The following NRXN3 variants were observed in gnomAD, a reference collection of about 807,000 sequenced individuals.
NRXN3 encodes the protein neurexin III.
NRXN3 carries 32 observed loss-of-function variants against 137.6 expected under a neutral mutation model. That is an observed-to-expected ratio of 0.23 (90% CI 0.18 to 0.31). The LOEUF is 0.31. Ranked by LOEUF, NRXN3 falls within the 10% of genes least tolerant of loss-of-function variation. NRXN3 has a pLI of 1.00. For missense variants in NRXN3, 1,574 were observed against 2,062.5 expected (o/e 0.76, Z 4.59); for synonymous variants, 798 against 784.5 (o/e 1.02, Z -0.29).
chr14:79,138,295 A>G (rs1320251472), intron 15 of NRXN3, among the ~76,000 whole-genome samples: 1 of 152,168 alleles, frequency 6.6e-6, no homozygotes, highest in East Asian at 1.9e-4. Context: ...CTGGGACCAC[A>G]GGCATGTGCC....
At chr14:79,042,104 T>C (rs991590693) in intron 15 of NRXN3, among the ~76,000 whole-genome samples, 2 of 152,152 alleles carry the variant, frequency 1.3e-5, no homozygotes, top group Admixed American at 1.3e-4. Context: ...GCCTTGTCAT[T>C]TATCTAACCA....
At chr14:78,863,964 GA>G (rs1194145623) in intron 10 of NRXN3, among the ~76,000 whole-genome samples, 2 of 152,040 alleles carry the variant, frequency 1.3e-5, no homozygotes, top group Non-Finnish European at 2.9e-5. Context: ...CTTAGTAGAT[GA>G]AAAATAGTAA....
chr14:79,022,633 G>A (rs1041823871), intron 15 of NRXN3, among the ~76,000 whole-genome samples: 1 of 152,040 alleles, frequency 6.6e-6, no homozygotes, highest in Non-Finnish European at 1.5e-5. Flanking sequence ...CATTTTCTTT[G>A]CCACACTCCC....
At chr14:78,429,162 C>T (rs1598556261) in intron 4 of NRXN3, among the ~76,000 whole-genome samples, 1 of 152,036 alleles carries the variant, frequency 6.6e-6, no homozygotes, top group Admixed American at 6.6e-5. Flanking sequence ...TGCAACCCTC[C>T]ACCTCTTGGG....
Position 78,957,356 on chromosome 14 carries a change from CTGAGGG to C in NRXN3, c.2395_2395+5del. The C allele has an allele frequency of 6.2e-7, 1 of 1,613,530 alleles. No homozygotes were observed. The highest frequency in any genetic ancestry group is 8.5e-7 in the Non-Finnish European group (1 of 1,179,874). On this transcript the variant is annotated splice_donor_variant and coding_sequence_variant, in exon 11 of 21. Coordinates refer to ENST00000335750, the MANE Select transcript of NRXN3 (RefSeq NM_001330195.2). LOFTEE classifies it high-confidence loss of function. ...AAGTTAACCGTGGATGATGATGTGG[CTGAGGG>C]TGAGTATGACTATGGTGAAATTCGT...
intron 4 of NRXN3, among the ~76,000 whole-genome samples, chr14:78,390,394 C>G (rs751392050): frequency 1.5e-4 from 23 of 152,182 alleles, no homozygotes; most frequent in Non-Finnish European, 2.6e-4. Context: ...GCTTTGCTGC[C>G]TCCTGATCTA....
rs185458866 is a variant in NRXN3, at chr14:78,444,453, A to G, written c.757+146593A>G. On this transcript the variant is annotated intron_variant, in intron 4 of 20. Transcript: ENST00000335750. ...GATGAATCAAGAGGAGCATCTCATT[A>G]TCACCCCTAGTTGTCAAAGAACAGA... Among the ~76,000 whole-genome samples the G allele has an allele frequency of 2.6e-5, 4 of 152,240 alleles. No homozygotes were observed. The East Asian group carries it at 7.7e-4, about 29-fold the overall frequency.
chr14:78,641,398 G>A (rs138839961), intron 4 of NRXN3, among the ~76,000 whole-genome samples: 3 of 152,194 alleles, frequency 2.0e-5, no homozygotes, highest in Non-Finnish European at 4.4e-5. Context: ...TGGGTTATTG[G>A]GAGGCAGAGC....
intron 15 of NRXN3, among the ~76,000 whole-genome samples, chr14:79,308,787 A>G (rs2086598720): frequency 6.7e-6 from 1 of 148,630 alleles, no homozygotes; most frequent in Non-Finnish European, 1.5e-5. Flanking sequence ...TATTAAGAAT[A>G]TGCACTGAAT....
At chr14:78,249,779 C>A (rs546101298) in intron 2 of NRXN3, among the ~76,000 whole-genome samples, 1 of 152,078 alleles carries the variant, frequency 6.6e-6, no homozygotes, top group Admixed American at 6.6e-5. Flanking sequence ...AAGTTAATAC[C>A]ATTAGCTCCA....
intron 4 of NRXN3, among the ~76,000 whole-genome samples, chr14:78,433,719 G>A (rs1371976675): frequency 6.6e-6 from 1 of 152,124 alleles, no homozygotes; most frequent in African/African-American, 2.4e-5. Context: ...CAAGATGTGG[G>A]CTCCTTGACC....
chr14:78,852,599 T>C (rs866963491), intron 10 of NRXN3, among the ~76,000 whole-genome samples: 30 of 152,222 alleles, frequency 2.0e-4, no homozygotes, highest in South Asian at 1.7e-3. Flanking sequence ...TTCATATGTT[T>C]TTACATTTGC....
chr14:78,438,476 T>C (rs1167284815), intron 4 of NRXN3, among the ~76,000 whole-genome samples: 1 of 152,176 alleles, frequency 6.6e-6, no homozygotes, highest in Non-Finnish European at 1.5e-5. Context: ...GTGTGTGTAG[T>C]GGCCTGGTAT....
chr14:79,792,813 T>C (rs144810392), intron 19 of NRXN3, among the ~76,000 whole-genome samples: 95 of 152,340 alleles, frequency 6.2e-4, no homozygotes, highest in African/African-American at 2.2e-3. Context: ...AGGTTCTTGA[T>C]TCCCTGTGAT....
chr14:79,023,515 G>A (rs894556107), intron 15 of NRXN3, among the ~76,000 whole-genome samples: 3 of 152,064 alleles, frequency 2.0e-5, no homozygotes, highest in African/African-American at 7.2e-5. Flanking sequence ...TTAAGTGAAG[G>A]GAGGTGTATT....
At chr14:78,537,846 G>A (rs1160714807) in intron 4 of NRXN3, among the ~76,000 whole-genome samples, 1 of 152,122 alleles carries the variant, frequency 6.6e-6, no homozygotes, top group Non-Finnish European at 1.5e-5. Context: ...AGTTTTCCCA[G>A]CACCATTTAT....
At chr14:78,587,295 GC>G (rs1158788598) in intron 4 of NRXN3, among the ~76,000 whole-genome samples, 3 of 152,188 alleles carry the variant, frequency 2.0e-5, no homozygotes, top group African/African-American at 7.2e-5. Flanking sequence ...AACCTCTAGA[GC>G]AGTGGCTTTC....
At chr14:79,084,886 T>G (rs1040767630) in intron 15 of NRXN3, among the ~76,000 whole-genome samples, 1 of 152,212 alleles carries the variant, frequency 6.6e-6, no homozygotes, top group African/African-American at 2.4e-5. Context: ...ATGGGGTTGA[T>G]AGTGACATAG....
At chr14:78,493,571 A>G (rs1297857565) in intron 4 of NRXN3, among the ~76,000 whole-genome samples, 1 of 150,304 alleles carries the variant, frequency 6.7e-6, no homozygotes, top group Non-Finnish European at 1.5e-5. Flanking sequence ...AATAAAAAGA[A>G]TTAGCCAGGA....
Sources: allele counts gnomAD v4.1 joint callset (sites outside exome capture counted in the v4.1 genomes callset), GRCh38; gene constraint gnomAD v4.1.1; transcripts MANE v1.5; gene names NCBI Gene and HGNC (gene_info 2026-07-23, HGNC 2026-07-21).